The following CRYZ variants were observed in gnomAD, a reference collection of about 807,000 sequenced individuals.
CRYZ encodes the protein zeta-crystallin.
In CRYZ, 35 loss-of-function variants were observed where a neutral mutation model predicts 34.1. That is an observed-to-expected ratio of 1.03 (90% confidence interval 0.78 to 1.36). CRYZ has a LOEUF of 1.36. Ranked by LOEUF, CRYZ falls within the 40% of genes most tolerant of loss-of-function variation. The probability of loss-of-function intolerance (pLI) is 0.00; values close to 1 mark genes in which losing one functional copy is unlikely to be tolerated. For synonymous variants in CRYZ, 137 were observed against 136.5 expected, an observed-to-expected ratio of 1.00 and a Z score of -0.03; for missense variants, 403 against 391.8, an observed-to-expected ratio of 1.03 and a Z score of -0.24.
chr1:74,725,603 T>C (rs977029491), intron 1 of CRYZ, among the ~76,000 whole-genome samples: 2 of 99,212 alleles, frequency 2.0e-5, no homozygotes, highest in Non-Finnish European at 3.7e-5. Context: ...ATCATATCAT[T>C]CTACCCCAGG....
intron 1 of CRYZ, among the ~76,000 whole-genome samples, chr1:74,728,715 G>A (rs1647520165): frequency 1.3e-5 from 2 of 152,178 alleles, no homozygotes; most frequent in Admixed American, 1.3e-4. Flanking sequence ...TTATTGATGG[G>A]AAGTTCTTGA....
Position 74,706,943 on chromosome 1 carries a change from T to C in CRYZ, c.784A>G (p.Lys262Glu), listed in dbSNP as rs759736652. The C allele has an allele frequency of 8.2e-5, 132 of 1,613,078 alleles. No individual in the cohort carries two copies. The highest frequency in any genetic ancestry group is 1.1e-4 in the Non-Finnish European group (124 of 1,179,412). ...IEINPRDTMAKESSIIGVTLF... is the reference protein window; with the variant it reads ...IEINPRDTMAEESSIIGVTLF... ...GTAACTCCAATTATACTCGACTCCTTTGCCATGGTGTCTCGTGGGTTTATT... is the reference window on the plus strand; with the variant it reads ...GTAACTCCAATTATACTCGACTCCTCTGCCATGGTGTCTCGTGGGTTTATT... The change falls in exon 8 of 9, where the codon AAG becomes GAG. Residue 262 changes from lysine to glutamate, a missense_variant. Lys to Glu is a moderately conservative substitution (Grantham distance 56). Coordinates refer to ENST00000340866, the MANE Select transcript of CRYZ (RefSeq NM_001889.4).
In CRYZ at chr1:74,729,221, G is replaced by A. The variant is rs561246272; in HGVS notation, c.-14+3735C>T. Among the ~76,000 whole-genome samples, 3 of 151,442 alleles carry A rather than the reference G, an allele frequency of 2.0e-5. No homozygotes were observed. In the South Asian group the frequency reaches 6.2e-4, roughly 32 times the overall value. On this transcript the variant is annotated intron_variant, in intron 1 of 8. Coordinates refer to ENST00000340866, the MANE Select transcript of CRYZ (RefSeq NM_001889.4). ...TGTGAGTCCCAGCTCTATCATGTGG[G>A]AGCCACATGGCCTTGGGCAAGGCAG...
chr1:74,719,349 G>C lies in CRYZ; in HGVS notation c.288C>G (p.Ser96Arg). The change falls in exon 4 of 9, where the codon AGC becomes AGG. Residue 96 changes from serine to arginine, a missense_variant. Coordinates refer to ENST00000340866, the MANE Select transcript of CRYZ (RefSeq NM_001889.4). ...CTGCATAACCCCCAGAGATCGTGCT[G>C]CTAGTGAAAACTCTGTCACCTTTCT... ...AFKKGDRVFT[S>R]STISGGYAEY... 1 of 1,611,812 alleles carries C rather than the reference G, an allele frequency of 6.2e-7. No homozygotes were observed. The highest frequency in any genetic ancestry group is 8.5e-7 in the Non-Finnish European group (1 of 1,178,114).
chr1:74,719,457 G>T (rs1647125444), intron 3 of CRYZ, 85 bp from the exon 4 acceptor site: 3 of 1,276,264 alleles, frequency 2.4e-6, no homozygotes, highest in Non-Finnish European at 3.2e-6. Context: ...CAAGAAATAA[G>T]TGAGTACTCA....
rs1647194916 is a variant in CRYZ, at chr1:74,723,202, A to G, written c.180T>C (p.Ser60=). 2.5e-6 allele frequency: 4 copies of G among 1,614,056 alleles called. No individual in the cohort carries two copies. The highest frequency in any genetic ancestry group is 1.6e-4 in the Middle Eastern group (1 of 6,062). ...GAGTATAGGGTAAGAGTGGTTTTCT[A>G]CTATAAGTACCAGAGCGAATGTATG... ...VETYIRSGTY[S]RKPLLPYTPG... The change falls in exon 3 of 9, where the codon AGT becomes AGC. Residue 60 remains serine, a synonymous_variant. Coordinates refer to ENST00000340866, the MANE Select transcript of CRYZ (RefSeq NM_001889.4).
intron 1 of CRYZ, among the ~76,000 whole-genome samples, chr1:74,727,156 C>T (rs189538855): frequency 1.3e-5 from 2 of 151,412 alleles, no homozygotes; most frequent in Non-Finnish European, 3.0e-5. Flanking sequence ...GTCGCTTCCA[C>T]ATTTGCAGGT....
chr1:74,727,783 A>G (rs972648768), intron 1 of CRYZ, among the ~76,000 whole-genome samples: 5 of 152,258 alleles, frequency 3.3e-5, no homozygotes, highest in Admixed American at 6.5e-5. Context: ...GGGAGCTACA[A>G]TTGAAGATGA....
chr1:74,729,045 G>A (rs1176144331), intron 1 of CRYZ, among the ~76,000 whole-genome samples: 1 of 151,288 alleles, frequency 6.6e-6, no homozygotes, highest in Non-Finnish European at 1.5e-5. Flanking sequence ...ACAAGAAAGT[G>A]AAAGTATCAA....
intron 3 of CRYZ, among the ~76,000 whole-genome samples, chr1:74,720,915 A>G (rs1175700894): frequency 6.6e-6 from 1 of 152,218 alleles, no homozygotes; most frequent in African/African-American, 2.4e-5. Flanking sequence ...AAAGCAAGGC[A>G]AACATGATGA....
rs746787769 is a variant in CRYZ, at chr1:74,719,247, G to A, written c.390C>T (p.Gly130=). The change falls in exon 4 of 9, where the codon GGC becomes GGT. Residue 130 remains glycine, a synonymous_variant. Transcript: ENST00000340866. ...KLDFKQGAAI[G]IPYFTAYRAL... ...CTCGATAAGCAGTAAAATATGGAATGCCGATGGCAGCTCCTTGTTTAAAGT... is the reference window on the plus strand; with the variant it reads ...CTCGATAAGCAGTAAAATATGGAATACCGATGGCAGCTCCTTGTTTAAAGT... 8.7e-6 allele frequency: 14 copies of A among 1,613,740 alleles called. No homozygotes were observed. In the African/African-American group the frequency reaches 1.6e-4, roughly 18 times the overall value.
intron 3 of CRYZ, among the ~76,000 whole-genome samples, chr1:74,721,953 G>T (rs992709292): frequency 1.3e-5 from 2 of 152,156 alleles, no homozygotes; most frequent in Non-Finnish European, 2.9e-5. Context: ...TTTTCAATAT[G>T]AATTTAAGTT....
chr1:74,731,672 G>C (rs1360999066), intron 1 of CRYZ, among the ~76,000 whole-genome samples: 1 of 152,158 alleles, frequency 6.6e-6, no homozygotes, highest in Admixed American at 6.5e-5. Flanking sequence ...CCCTAATGCT[G>C]GAGGAGTAGA....
chr1:74,721,146 A>G (rs1647156843), intron 3 of CRYZ, among the ~76,000 whole-genome samples: 1 of 152,196 alleles, frequency 6.6e-6, no homozygotes, highest in African/African-American at 2.4e-5. Flanking sequence ...TTTATTACCA[A>G]TGAGTAAGCA....
intron 5 of CRYZ, among the ~76,000 whole-genome samples, chr1:74,713,944 C>T (rs1015246423): frequency 1.3e-5 from 2 of 152,030 alleles, no homozygotes; most frequent in African/African-American, 2.4e-5. Flanking sequence ...GCTAGTTTCT[C>T]GAAGAGGTTT....
intron 4 of CRYZ, 125 bp from the exon 5 acceptor site, chr1:74,714,755 C>G: frequency 1.2e-6 from 1 of 811,198 alleles, no homozygotes; most frequent in East Asian, 2.7e-5. Flanking sequence ...GCAAATGCAA[C>G]CTGACATACA....
At chr1:74,715,772 G>A (rs146489593) in intron 4 of CRYZ, among the ~76,000 whole-genome samples, 2 of 152,226 alleles carry the variant, frequency 1.3e-5, no homozygotes, top group African/African-American at 4.8e-5. Flanking sequence ...GGGGCCTGGG[G>A]TGAGGGGAGA....
intron 1 of CRYZ, among the ~76,000 whole-genome samples, chr1:74,731,335 G>T (rs1647718726): frequency 6.6e-6 from 1 of 152,074 alleles, no homozygotes; most frequent in African/African-American, 2.4e-5. Flanking sequence ...CAGAGCAAAG[G>T]AACATTATGA....
chr1:74,727,366 A>G (rs1250681349), intron 1 of CRYZ, among the ~76,000 whole-genome samples: 1 of 148,886 alleles, frequency 6.7e-6, no homozygotes, highest in Non-Finnish European at 1.5e-5. Flanking sequence ...GGCAGACAAG[A>G]GAGCATGTGC....
Sources: gnomAD v4.1 joint callset for allele counts (sites outside exome capture counted in the v4.1 genomes callset) on GRCh38, gnomAD v4.1.1 for gene constraint, MANE v1.5 for transcripts, NCBI Gene and HGNC (gene_info 2026-07-23, HGNC 2026-07-21) for gene names.